Variants in MYO10 observed in about 807,000 individuals in gnomAD.
The protein encoded by MYO10 is unconventional myosin-X.
A neutral mutation model predicts 257.3 loss-of-function variants in MYO10; 133 were observed. That is an observed-to-expected ratio of 0.52 (90% confidence interval 0.45 to 0.60). MYO10 has a LOEUF of 0.60. Ranked by LOEUF, MYO10 falls within the 20% of genes least tolerant of loss-of-function variation. The pLI is 0.00. For synonymous variants in MYO10, 1,104 were observed against 1,028.6 expected (o/e 1.07, Z -1.40); for missense variants, 2,399 against 2,635.7 (o/e 0.91, Z 1.97).
chr5:16,913,729 A>C (rs943605839), intron 1 of MYO10, among the ~76,000 whole-genome samples: 3 of 152,208 alleles, frequency 2.0e-5, no homozygotes, highest in African/African-American at 7.2e-5. Flanking sequence ...AAGAGAGACA[A>C]GTGAGAACCA....
rs58577651 is a variant in MYO10, at chr5:16,794,383, TAAAAAAA to T, written c.467+256_467+262del. ...TAATTAAGGCAAATAAATGTTGCTT[TAAAAAAA>T]AAAAAAAAAAAAAGGAACAGAATGG... is the stretch of plus-strand genomic sequence containing the variant. On this transcript the variant is annotated intron_variant, in intron 4 of 40. Transcript: ENST00000513610. Among the ~76,000 whole-genome samples, 937 of 140,626 alleles carry T rather than the reference TAAAAAAA, an allele frequency of 6.7e-3. 32 individuals carry two copies. Among genetic ancestry groups the T allele is most frequent in the Admixed American group, 0.059 (834 of 14,216 alleles). The allele number at this position is 140,626 out of a possible 152,430, so 92.3% of individuals were successfully genotyped here. A position where few individuals can be genotyped will look rare whatever the true frequency, so the allele number is the denominator to read the frequency against.
In MYO10 at chr5:16,673,801, C is replaced by G. The variant is rs1266848062; in HGVS notation, c.5053G>C (p.Val1685Leu). The change falls in exon 36 of 41, where the codon GTG (valine) becomes CTG (leucine). Residue 1685 changes from valine to leucine, a missense_variant. Physicochemically the swap from Val to Leu is conservative, Grantham distance 32 (BLOSUM62 1). Transcript: ENST00000513610. ...SLKKTKCREF[V>L]PSRDEIEALI... ...GCTTCTATTTCATCTCGGGAAGGCACAAACTCTCGGCATTTGGTTTTCTTA... is the reference window on the plus strand; with the variant it reads ...GCTTCTATTTCATCTCGGGAAGGCAGAAACTCTCGGCATTTGGTTTTCTTA... 2 of 1,613,994 alleles carry G rather than the reference C, an allele frequency of 1.2e-6. No homozygotes were observed. The highest frequency in any genetic ancestry group is 3.3e-5 in the Admixed American group (2 of 60,024).
chr5:16,848,155 C>CTTTTTTTTTTTTTTTTTTCTT (rs371042891), intron 2 of MYO10, among the ~76,000 whole-genome samples: 1 of 113,596 alleles, frequency 8.8e-6, no homozygotes, highest in African/African-American at 3.7e-5. Flanking sequence ...CTACACATTT[C>CTTTTTTTTTTTTTTTTTTCTT]TTTTTTTTTT....
intron 19 of MYO10, among the ~76,000 whole-genome samples, chr5:16,715,392 A>T (rs1338111295): frequency 7.1e-5 from 6 of 84,344 alleles, no homozygotes; most frequent in Admixed American, 1.9e-4. Context: ...TAAGATTGAA[A>T]TTTTTTTTTT....
intron 1 of MYO10, among the ~76,000 whole-genome samples, chr5:16,884,009 A>G (rs1744828268): frequency 6.6e-6 from 1 of 152,190 alleles, no homozygotes; most frequent in African/African-American, 2.4e-5. Context: ...TCTCTCGCCT[A>G]TGTTAAGTAC....
intron 9 of MYO10, among the ~76,000 whole-genome samples, chr5:16,772,067 G>GA (rs1330185145): frequency 2.7e-5 from 4 of 149,876 alleles, no homozygotes. Context: ...CACTTTCACA[G>GA]AAAAAATAAT....
chr5:16,932,822 T>C (rs536238044), intron 1 of MYO10, among the ~76,000 whole-genome samples: 1 of 152,316 alleles, frequency 6.6e-6, no homozygotes, highest in South Asian at 2.1e-4. Context: ...ACAGGGTCTG[T>C]TGCTCTGGAG....
chr5:16,758,676 C>A (rs148404727), intron 17 of MYO10, among the ~76,000 whole-genome samples: 178 of 152,270 alleles, frequency 1.2e-3, no homozygotes, highest in Middle Eastern at 6.8e-3. Context: ...TCCTGTCTCC[C>A]CACTTCCCAG....
intron 21 of MYO10, among the ~76,000 whole-genome samples, chr5:16,707,969 G>C: frequency 6.6e-6 from 1 of 152,206 alleles, no homozygotes; most frequent in East Asian, 1.9e-4. Context: ...CAGAAGACCA[G>C]AAGTTCATTA....
chr5:16,711,761 A>G (rs1441583988), intron 19 of MYO10, among the ~76,000 whole-genome samples: 1 of 152,128 alleles, frequency 6.6e-6, no homozygotes, highest in Non-Finnish European at 1.5e-5. Flanking sequence ...GTGACAGAGC[A>G]GTCTCAAAAA....
intron 2 of MYO10, among the ~76,000 whole-genome samples, chr5:16,853,795 T>C (rs1308179222): frequency 6.6e-6 from 1 of 152,208 alleles, no homozygotes; most frequent in Non-Finnish European, 1.5e-5. Context: ...GGGTCCACAC[T>C]GTCTACGTAA....
chr5:16,921,400 C>T (rs1161812598), intron 1 of MYO10, among the ~76,000 whole-genome samples: 2 of 152,138 alleles, frequency 1.3e-5, no homozygotes, highest in Non-Finnish European at 2.9e-5. Flanking sequence ...AAAGCCTTAG[C>T]GCAGTGGTTC....
chr5:16,794,383 T>TAAA (rs58577651), intron 4 of MYO10, among the ~76,000 whole-genome samples: 1 of 140,604 alleles, frequency 7.1e-6, no homozygotes, highest in Non-Finnish European at 1.5e-5. Context: ...AATGTTGCTT[T>TAAA]AAAAAAAAAA....
chr5:16,733,437 G>C (rs1242124370), intron 19 of MYO10, among the ~76,000 whole-genome samples: 1 of 152,012 alleles, frequency 6.6e-6, no homozygotes, highest in East Asian at 1.9e-4. Flanking sequence ...TATATACTGA[G>C]ATACCAGAAG....
chr5:16,794,674 G>A lies in MYO10; in HGVS notation c.439C>T (p.Arg147Cys), dbSNP rs772057579. The A allele has an allele frequency of 1.4e-5, 22 of 1,612,418 alleles. No homozygotes were observed. Among genetic ancestry groups the A allele is most frequent in the African/African-American group, 1.1e-4 (8 of 74,894 alleles). Residue 147 changes from arginine (R) to cysteine (C), a missense_variant, in exon 4 of 41, where the codon CGC becomes TGC. Around this residue, in one of 3 missense-constraint regions of MYO10, gnomAD observed 242 missense variants for 249.5 expected, o/e 0.97. Transcript: ENST00000513610. ...ANECYRCLWK[R>C]HDNQCILISG... ...ATGAGGATGCACTGGTTGTCGTGGC[G>A]CTTCCACAGGCAGCGGTAGCACTCG...
At chr5:16,805,458 C>CAAAAAAAAA (rs36126574) in intron 3 of MYO10, among the ~76,000 whole-genome samples, 1 of 78,334 alleles carries the variant, frequency 1.3e-5, no homozygotes, top group Non-Finnish European at 2.4e-5. Context: ...GACTCCATCT[C>CAAAAAAAAA]AAAAAAAAAA....
chr5:16,716,082 C>T (rs1248909817), intron 19 of MYO10, among the ~76,000 whole-genome samples: 1 of 150,772 alleles, frequency 6.6e-6, no homozygotes, highest in Non-Finnish European at 1.5e-5. Flanking sequence ...CATTAAGTAC[C>T]AGTCTAACAC....
chr5:16,725,964 T>C (rs1739351640), intron 19 of MYO10, among the ~76,000 whole-genome samples: 1 of 152,050 alleles, frequency 6.6e-6, no homozygotes, highest in Admixed American at 6.6e-5. Flanking sequence ...ATTTTTGTAT[T>C]TTCAGTAGAG....
chr5:16,684,697 G>A (rs529483710), intron 29 of MYO10, among the ~76,000 whole-genome samples: 27 of 149,028 alleles, frequency 1.8e-4, no homozygotes, highest in Admixed American at 1.1e-3. Context: ...AATAAAACTT[G>A]GTTTCCAAAG....
Sources: gnomAD v4.1 joint callset for allele counts (sites outside exome capture counted in the v4.1 genomes callset) on GRCh38, gnomAD v4.1.1 for gene constraint, gnomAD v4.1.1 regional missense constraint, MANE v1.5 for transcripts, NCBI Gene and HGNC (gene_info 2026-07-23, HGNC 2026-07-21) for gene names.